The following DCC variants were observed in gnomAD, a reference collection of about 807,000 sequenced individuals.
DCC encodes the protein DCC netrin 1 receptor, also known as netrin receptor DCC.
DCC carries 58 observed loss-of-function variants against 172.5 expected under a neutral mutation model. The observed-to-expected ratio is 0.34, with a 90% CI of 0.27 to 0.42. The LOEUF (loss-of-function observed/expected upper bound fraction) is 0.42. DCC is among the 10% of genes least tolerant of loss of function. The probability of loss-of-function intolerance (pLI) is 1.00; values close to 1 mark genes in which losing one functional copy is unlikely to be tolerated. For synonymous variants in DCC, 709 were observed against 644.5 expected (o/e 1.10, Z -1.52); for missense variants, 1,740 against 1,791.0 (o/e 0.97, Z 0.51).
At chr18:53,193,678 G>C (rs2055399521) in intron 9 of DCC, among the ~76,000 whole-genome samples, 1 of 152,022 alleles carries the variant, frequency 6.6e-6, no homozygotes, top group Non-Finnish European at 1.5e-5. Flanking sequence ...AAGCATCCCG[G>C]AACTCTGACT....
chr18:53,325,196 C>CAAA lies in DCC; in HGVS notation c.2164+3059_2164+3061dup, dbSNP rs750007696. Among the ~76,000 whole-genome samples, 380 of 64,226 alleles carry CAAA rather than the reference C, an allele frequency of 5.9e-3. 3 individuals are homozygous for CAAA. Among genetic ancestry groups the CAAA allele is most frequent in the African/African-American group, 9.6e-3 (144 of 14,988 alleles). The allele number at this position is 64,226 out of a possible 152,430, so 42.1% of individuals were successfully genotyped here. On this transcript the variant is annotated intron_variant, in intron 14 of 28. Coordinates refer to ENST00000442544, the MANE Select transcript of DCC (RefSeq NM_005215.4). ...AGACAGAGCAAGCAAGACTCCATCT[C>CAAA]AAAAAAAAAAAAAAAAAAAAAAGTT...
intron 2 of DCC, among the ~76,000 whole-genome samples, chr18:52,820,631 C>T (rs928044444): frequency 6.6e-6 from 1 of 151,984 alleles, no homozygotes; most frequent in Non-Finnish European, 1.5e-5. Flanking sequence ...AACAAGGGGC[C>T]GACCAGAAAT....
chr18:53,313,617 G>T (rs1341369209), intron 13 of DCC, among the ~76,000 whole-genome samples: 2 of 152,146 alleles, frequency 1.3e-5, no homozygotes, highest in Non-Finnish European at 2.9e-5. Flanking sequence ...TTCTTAGCTT[G>T]ATCCACTGTC....
intron 1 of DCC, among the ~76,000 whole-genome samples, chr18:52,383,713 T>C (rs1226879270): frequency 6.6e-6 from 1 of 152,086 alleles, no homozygotes; most frequent in Admixed American, 6.6e-5. Context: ...GGTTTCTCTG[T>C]GTTTCATATG....
intron 1 of DCC, among the ~76,000 whole-genome samples, chr18:52,582,128 A>G (rs1214063256): frequency 6.6e-6 from 1 of 152,196 alleles, no homozygotes. Flanking sequence ...TTGTGCACAT[A>G]GTATGGTTAT....
chr18:52,668,030 C>T (rs369210598), intron 1 of DCC, among the ~76,000 whole-genome samples: 18 of 149,318 alleles, frequency 1.2e-4, no homozygotes, highest in African/African-American at 4.4e-4. Flanking sequence ...CTTTCCTTAA[C>T]GAGTAGAGAA....
intron 1 of DCC, among the ~76,000 whole-genome samples, chr18:52,414,428 G>A (rs1986947860): frequency 1.3e-5 from 2 of 152,060 alleles, no homozygotes; most frequent in Admixed American, 1.3e-4. Context: ...CTTGCTTTTA[G>A]CCCCTTCTGC....
At position 53,272,397 on chromosome 18, in the gene DCC, A is replaced by G. The variant is rs984386246; in HGVS notation, c.1912-33181A>G. On this transcript the variant is annotated intron_variant, in intron 12 of 28. Coordinates refer to ENST00000442544, the MANE Select transcript of DCC (RefSeq NM_005215.4). ...GATGAGTAATCATTCTCATTAGAGA[A>G]TGATACCAGTTTTGAGTTTTGAAAG... 3.9e-5 allele frequency among the ~76,000 whole-genome samples: 6 copies of G among 152,176 alleles called. No individual in the cohort carries two copies. The South Asian group carries it at 6.2e-4, about 16-fold the overall frequency.
chr18:53,499,496 T>G lies in DCC; in HGVS notation c.4097T>G (p.Leu1366Arg), dbSNP rs777912502. ...AIEPKVPYTP[L>R]LSQPGPTLPK... The stretch of plus-strand genomic sequence containing the variant: ...GAACCGAAAGTCCCTTACACACCAC[T>G]TTTGTCTCAGCCAGGTAAAGTACTC... Residue 1366 changes from leucine to arginine, a missense_variant, in exon 27 of 29, where the codon CTT (leucine) becomes CGT (arginine). By Grantham distance (102) the Leu-to-Arg change is moderately radical (BLOSUM62 -2). Transcript: ENST00000442544. 1.9e-6 allele frequency: 3 copies of G among 1,613,912 alleles called. No individual in the cohort carries two copies. In the South Asian group the frequency reaches 3.3e-5, roughly 18 times the overall value.
chr18:52,907,295 T>TGCTATGTC (rs71175535), intron 3 of DCC, among the ~76,000 whole-genome samples: 1 of 103,424 alleles, frequency 9.7e-6, no homozygotes, highest in African/African-American at 3.5e-5. Flanking sequence ...GATATATACA[T>TGCTATGTC]ATGGATATAT....
At chr18:53,248,758 G>T (rs576712023) in intron 12 of DCC, among the ~76,000 whole-genome samples, 13 of 152,152 alleles carry the variant, frequency 8.5e-5, no homozygotes, top group African/African-American at 3.1e-4. Flanking sequence ...AGAGAAATTG[G>T]ATGATGGCTT....
At chr18:53,303,918 G>A (rs1156279014) in intron 12 of DCC, among the ~76,000 whole-genome samples, 5 of 152,178 alleles carry the variant, frequency 3.3e-5, no homozygotes, top group African/African-American at 9.7e-5. Flanking sequence ...CCAGATGGAG[G>A]TGGCTCTCAG....
chr18:53,305,725 T>C lies in DCC; in HGVS notation c.2053+6T>C, dbSNP rs566309123. The C allele has an allele frequency of 3.1e-6, 5 of 1,613,730 alleles. No individual in the cohort carries two copies. The highest frequency in any genetic ancestry group is 4.2e-6 in the Non-Finnish European group (5 of 1,179,688). ...CCTCTGGTACCTATTCACAGGTCAG[T>C]GTTCACATGGTGTAGTCTTGCAAGG... On this transcript the variant is annotated splice_donor_region_variant and intron_variant, in intron 13 of 28. Transcript: ENST00000442544.
intron 1 of DCC, among the ~76,000 whole-genome samples, chr18:52,580,664 G>C (rs2033524481): frequency 6.6e-6 from 1 of 152,196 alleles, no homozygotes; most frequent in Admixed American, 6.5e-5. Context: ...ATGCCTGGAA[G>C]ACCTGGACCA....
chr18:52,793,794 T>C (rs1017681089), intron 2 of DCC, among the ~76,000 whole-genome samples: 1 of 152,216 alleles, frequency 6.6e-6, no homozygotes, highest in African/African-American at 2.4e-5. Flanking sequence ...TCTTTAACCA[T>C]TTTGAGTTGA....
chr18:52,993,489 G>A (rs114608127), intron 5 of DCC, among the ~76,000 whole-genome samples: 1 of 151,964 alleles, frequency 6.6e-6, no homozygotes, highest in African/African-American at 2.4e-5. Flanking sequence ...CTGTTACCAT[G>A]AACATTTAAA....
At chr18:52,582,681 C>T (rs1355363192) in intron 1 of DCC, among the ~76,000 whole-genome samples, 1 of 152,148 alleles carries the variant, frequency 6.6e-6, no homozygotes, top group Admixed American at 6.5e-5. Context: ...AGGGCCATTA[C>T]TTTCTTTGAT....
At chr18:53,495,690 G>A (rs1410496554) in intron 26 of DCC, among the ~76,000 whole-genome samples, 1 of 152,010 alleles carries the variant, frequency 6.6e-6, no homozygotes, top group Non-Finnish European at 1.5e-5. Context: ...AAGTTCTCCT[G>A]GATAATATCC....
chr18:52,656,313 C>T (rs1365506360), intron 1 of DCC, among the ~76,000 whole-genome samples: 1 of 151,824 alleles, frequency 6.6e-6, no homozygotes, highest in Non-Finnish European at 1.5e-5. Flanking sequence ...CAGAGACCTC[C>T]CTCACTTCTC....
Sources: allele counts gnomAD v4.1 joint callset (sites outside exome capture counted in the v4.1 genomes callset), GRCh38; gene constraint gnomAD v4.1.1; transcripts MANE v1.5; gene names NCBI Gene and HGNC (gene_info 2026-07-23, HGNC 2026-07-21).